PDE3A: variants seen among roughly 807,000 people sequenced by gnomAD.
The protein encoded by PDE3A is cGMP-inhibited 3',5'-cyclic phosphodiesterase 3A.
In PDE3A, 43 loss-of-function variants were observed where a neutral mutation model predicts 98.3. That is an observed-to-expected ratio of 0.44 (90% CI 0.34 to 0.56). The LOEUF (loss-of-function observed/expected upper bound fraction) is 0.56, where lower values mean the gene tolerates loss of function less well. Ranked by LOEUF, PDE3A falls within the 20% of genes least tolerant of loss-of-function variation. The probability of loss-of-function intolerance (pLI) is 0.01; values close to 1 mark genes in which losing one functional copy is unlikely to be tolerated. For synonymous variants in PDE3A, 663 were observed against 567.9 expected (o/e 1.17, Z -2.38); for missense variants, 1,427 against 1,440.7 (o/e 0.99, Z 0.15).
intron 1 of PDE3A, among the ~76,000 whole-genome samples, chr12:20,444,817 T>G (rs184199668): frequency 2.6e-4 from 39 of 152,214 alleles, no homozygotes; most frequent in African/African-American, 8.7e-4. Flanking sequence ...AATCAAGCCT[T>G]AAATTGTCTG....
At chr12:20,423,625 C>T (rs182050852) in intron 1 of PDE3A, among the ~76,000 whole-genome samples, 23 of 152,216 alleles carry the variant, frequency 1.5e-4, no homozygotes, top group African/African-American at 4.8e-4. Flanking sequence ...GACTCTCATG[C>T]GTAAGATTTT....
chr12:20,616,819 A>AAATC (rs1412056693), intron 4 of PDE3A, among the ~76,000 whole-genome samples: 1 of 152,162 alleles, frequency 6.6e-6, no homozygotes, highest in African/African-American at 2.4e-5. Context: ...ACAAAAGAGC[A>AAATC]AATCAAAAGT....
intron 1 of PDE3A, among the ~76,000 whole-genome samples, chr12:20,448,178 G>A (rs574562742): frequency 2.6e-5 from 4 of 152,270 alleles, no homozygotes; most frequent in South Asian, 2.1e-4. Flanking sequence ...GCTCACGCCC[G>A]TAATCCTAGC....
In PDE3A at chr12:20,386,071, AAAT is replaced by A. The variant is rs1565532451; in HGVS notation, c.960+15829_960+15831del. Among the ~76,000 whole-genome samples, 27 of 7,930 alleles carry A rather than the reference AAAT, an allele frequency of 3.4e-3. 1 individual carries two copies. Among genetic ancestry groups the A allele is most frequent in the African/African-American group, 8.9e-3 (23 of 2,580 alleles). 5.2% of individuals were successfully genotyped at this position (7,930 alleles called of 152,430 possible). A position where few individuals can be genotyped will look rare whatever the true frequency, so the allele number is the denominator to read the frequency against. On this transcript the variant is annotated intron_variant, in intron 1 of 15. Coordinates refer to ENST00000359062, the MANE Select transcript of PDE3A (RefSeq NM_000921.5). ...ATATAAATATATATAAATATATATA[AAAT>A]ATATATAAATATATAAATATATATA...
chr12:20,543,894 A>G, intron 1 of PDE3A, among the ~76,000 whole-genome samples: 1 of 151,900 alleles, frequency 6.6e-6, no homozygotes, highest in Non-Finnish European at 1.5e-5. Context: ...AAACCATACA[A>G]ATTGGATGCT....
intron 1 of PDE3A, among the ~76,000 whole-genome samples, chr12:20,382,870 A>G (rs990554999): frequency 1.3e-5 from 2 of 152,036 alleles, no homozygotes; most frequent in African/African-American, 4.8e-5. Context: ...AATTTCAGAA[A>G]GCACTATGTA....
intron 1 of PDE3A, among the ~76,000 whole-genome samples, chr12:20,551,366 A>G (rs1246230008): frequency 2.0e-5 from 3 of 152,024 alleles, no homozygotes; most frequent in African/African-American, 7.2e-5. Context: ...AGTTTTATAT[A>G]GCCAGATCAA....
At chr12:20,639,569 C>G (rs527917325) in intron 9 of PDE3A, among the ~76,000 whole-genome samples, 1 of 152,132 alleles carries the variant, frequency 6.6e-6, no homozygotes, top group African/African-American at 2.4e-5. Flanking sequence ...TTAATGTGAA[C>G]ATTCCAATAA....
Position 20,680,465 on chromosome 12 carries a change from C to A in PDE3A, c.*194C>A. On this transcript the variant is annotated 3_prime_UTR_variant, in exon 16 of 16. Transcript: ENST00000359062. ...GTTAAAAACTTTTTGCTCAAAGAAG[C>A]TTTCACATTGCAACACCAGCTTCTA... 3 of 577,580 alleles carry A rather than the reference C, an allele frequency of 5.2e-6. No homozygotes were observed. The highest frequency in any genetic ancestry group is 3.1e-6 in the Non-Finnish European group (1 of 325,734). 35.8% of individuals were successfully genotyped at this position (577,580 alleles called of 1,614,324 possible).
chr12:20,451,991 G>C (rs1945073595), intron 1 of PDE3A, among the ~76,000 whole-genome samples: 1 of 152,092 alleles, frequency 6.6e-6, no homozygotes, highest in Non-Finnish European at 1.5e-5. Context: ...CCTTGCTTTT[G>C]TATCTGAACA....
chr12:20,450,610 A>G (rs1221578925), intron 1 of PDE3A, among the ~76,000 whole-genome samples: 1 of 152,248 alleles, frequency 6.6e-6, no homozygotes, highest in Non-Finnish European at 1.5e-5. Context: ...GCTCCTTTAC[A>G]TGTTACTTTA....
At chr12:20,678,574 C>CA (rs530964093) in intron 15 of PDE3A, among the ~76,000 whole-genome samples, 53 of 152,266 alleles carry the variant, frequency 3.5e-4, no homozygotes, top group African/African-American at 1.2e-3. Context: ...TGGCTATTAT[C>CA]AGTGCTTACT....
At chr12:20,482,225 CAT>C (rs1945643379) in intron 1 of PDE3A, among the ~76,000 whole-genome samples, 1 of 141,416 alleles carries the variant, frequency 7.1e-6, no homozygotes, top group Non-Finnish European at 1.5e-5. Context: ...TCATTGCACA[CAT>C]GTATTTTTTT....
At chr12:20,374,539 A>G (rs1943536774) in intron 1 of PDE3A, among the ~76,000 whole-genome samples, 1 of 152,014 alleles carries the variant, frequency 6.6e-6, no homozygotes, top group South Asian at 2.1e-4. Flanking sequence ...ACTGGCATGA[A>G]AAAACATTCA....
chr12:20,384,517 T>A (rs970729365), intron 1 of PDE3A, among the ~76,000 whole-genome samples: 4 of 152,134 alleles, frequency 2.6e-5, no homozygotes, highest in Admixed American at 6.6e-5. Flanking sequence ...CTATCTTTTT[T>A]AAAAATTTTA....
chr12:20,430,030 C>T (rs1001057915), intron 1 of PDE3A, among the ~76,000 whole-genome samples: 1 of 152,204 alleles, frequency 6.6e-6, no homozygotes, highest in South Asian at 2.1e-4. Flanking sequence ...TTTATGTGAA[C>T]TGTAGTTAAA....
chr12:20,395,868 T>C (rs1227804012), intron 1 of PDE3A, among the ~76,000 whole-genome samples: 2 of 151,798 alleles, frequency 1.3e-5, no homozygotes, highest in Non-Finnish European at 2.9e-5. Context: ...AAAAATATTT[T>C]CCCTTTTAAA....
At chr12:20,559,829 G>A (rs1942468992) in intron 2 of PDE3A, among the ~76,000 whole-genome samples, 1 of 152,168 alleles carries the variant, frequency 6.6e-6, no homozygotes, top group Non-Finnish European at 1.5e-5. Flanking sequence ...GGAAAAGGTG[G>A]ATGAAAAAGC....
chr12:20,517,736 A>G (rs745946157), intron 1 of PDE3A, among the ~76,000 whole-genome samples: 3 of 152,216 alleles, frequency 2.0e-5, no homozygotes, highest in East Asian at 1.9e-4. Flanking sequence ...AGGCTCAGTC[A>G]GTAGGTCAGG....
Sources: allele counts gnomAD v4.1 joint callset (sites outside exome capture counted in the v4.1 genomes callset), GRCh38; gene constraint gnomAD v4.1.1; transcripts MANE v1.5; gene names NCBI Gene and HGNC (gene_info 2026-07-23, HGNC 2026-07-21).